Variants in NTM observed in about 807,000 individuals in gnomAD.
NTM encodes neurotrimin.
In NTM, 13 loss-of-function variants were observed where a neutral mutation model predicts 42.1. The ratio of observed to expected loss-of-function variants is 0.31; its 90% CI spans 0.20 to 0.49. NTM has a LOEUF of 0.49. Ranked by LOEUF, NTM falls within the 20% of genes least tolerant of loss-of-function variation. The pLI is 0.99. For synonymous variants in NTM, 187 were observed against 179.2 expected, an observed-to-expected ratio of 1.04 and a Z score of -0.35; for missense variants, 373 against 452.8, an observed-to-expected ratio of 0.82 and a Z score of 1.60.
chr11:132,274,344 A>G (rs1268039014), intron 4 of NTM, among the ~76,000 whole-genome samples: 1 of 151,812 alleles, frequency 6.6e-6, no homozygotes, highest in East Asian at 1.9e-4. Context: ...AATATTATAG[A>G]CATTTATGGA....
At chr11:131,471,085 A>G (rs1250430338) in intron 1 of NTM, among the ~76,000 whole-genome samples, 1 of 152,190 alleles carries the variant, frequency 6.6e-6, no homozygotes, top group East Asian at 1.9e-4. Context: ...TTCCTGAACA[A>G]TCAAATGCGA....
intron 1 of NTM, among the ~76,000 whole-genome samples, chr11:131,864,962 C>T (rs1036222648): frequency 2.1e-4 from 32 of 152,198 alleles, no homozygotes; most frequent in African/African-American, 7.5e-4. Flanking sequence ...AAGAGGAAAG[C>T]TTGGCAACCT....
At chr11:131,995,682 G>T (rs1393074977) in intron 2 of NTM, among the ~76,000 whole-genome samples, 1 of 152,060 alleles carries the variant, frequency 6.6e-6, no homozygotes, top group Admixed American at 6.6e-5. Flanking sequence ...GTTTGGTCTA[G>T]GTCCTGTTGC....
intron 1 of NTM, among the ~76,000 whole-genome samples, chr11:131,471,478 C>T (rs1349092): frequency 0.48 from 73,367 of 152,000 alleles, 18,000 homozygotes; most frequent in Admixed American, 0.58. Flanking sequence ...GTTACATGTG[C>T]TACTGAGGGA....
intron 2 of NTM, among the ~76,000 whole-genome samples, chr11:132,121,537 A>G (rs549540533): frequency 6.6e-6 from 1 of 152,206 alleles, no homozygotes; most frequent in Non-Finnish European, 1.5e-5. Context: ...AAGCTGGTTC[A>G]TTATAGGATC....
intron 2 of NTM, among the ~76,000 whole-genome samples, chr11:132,014,104 G>A (rs966349465): frequency 3.3e-5 from 5 of 151,712 alleles, no homozygotes; most frequent in African/African-American, 9.7e-5. Context: ...CTCTACCTCC[G>A]TGAGATTTTT....
At chr11:131,713,960 G>T (rs761203275) in intron 1 of NTM, among the ~76,000 whole-genome samples, 1 of 152,170 alleles carries the variant, frequency 6.6e-6, no homozygotes, top group Non-Finnish European at 1.5e-5. Flanking sequence ...CATTCCGCAC[G>T]GGCAGTGGCC....
chr11:131,686,257 C>A (rs568157522), intron 1 of NTM, among the ~76,000 whole-genome samples: 4 of 152,340 alleles, frequency 2.6e-5, no homozygotes, highest in South Asian at 2.1e-4. Context: ...TCATGTATAA[C>A]TTTTGACTTC....
chr11:131,442,780 T>TTA (rs1201478567), intron 1 of NTM, among the ~76,000 whole-genome samples: 2 of 151,950 alleles, frequency 1.3e-5, no homozygotes, highest in East Asian at 1.9e-4. Flanking sequence ...TAGTATTCCG[T>TTA]TATATATATA....
chr11:131,549,669 G>A (rs1363013104), intron 1 of NTM, among the ~76,000 whole-genome samples: 3 of 152,206 alleles, frequency 2.0e-5, no homozygotes, highest in African/African-American at 7.2e-5. Context: ...TTTGCCCCAT[G>A]TGTTCAGGTG....
Position 131,856,894 on chromosome 11 carries a change from C to T in NTM, c.83-54670C>T, listed in dbSNP as rs75217618. Among the ~76,000 whole-genome samples the T allele has an allele frequency of 9.2e-3, 1,399 of 152,290 alleles. 24 individuals are homozygous for T. Among genetic ancestry groups the T allele is most frequent in the African/African-American group, 0.032 (1,340 of 41,552 alleles). On this transcript the variant is annotated intron_variant, in intron 1 of 8. Transcript: ENST00000683400. ...CTTTATCATAGCTTGCTAAGGATCA[C>T]ACATCTAAGCAATGATAAAACTGGG... is the stretch of plus-strand genomic sequence containing the variant.
At chr11:132,023,799 G>T (rs74898796) in intron 2 of NTM, among the ~76,000 whole-genome samples, 10,530 of 116,208 alleles carry the variant, frequency 0.091, 512 homozygotes, top group Admixed American at 0.15. Flanking sequence ...TTTGTTGTTG[G>T]TGGTGGTGGT....
chr11:131,401,853 TA>T (rs1945273836), intron 1 of NTM, among the ~76,000 whole-genome samples: 6 of 110,170 alleles, frequency 5.4e-5, no homozygotes, highest in Admixed American at 3.0e-4. Flanking sequence ...TATATATATA[TA>T]TATATATTTT....
chr11:132,006,311 A>C (rs2070770094), intron 2 of NTM, among the ~76,000 whole-genome samples: 1 of 152,138 alleles, frequency 6.6e-6, no homozygotes, highest in South Asian at 2.1e-4. Context: ...AAACAGTTTT[A>C]TTTGTTTGTG....
chr11:131,428,930 C>G (rs1039177944), intron 1 of NTM, among the ~76,000 whole-genome samples: 1 of 150,340 alleles, frequency 6.7e-6, no homozygotes, highest in Admixed American at 6.6e-5. Flanking sequence ...TGGTGGTTAC[C>G]TGTAATCCCA....
intron 2 of NTM, among the ~76,000 whole-genome samples, chr11:131,991,256 C>G (rs1259983860): frequency 1.3e-5 from 2 of 151,988 alleles, no homozygotes; most frequent in African/African-American, 4.8e-5. Context: ...TTTCTTGTCC[C>G]TGCCATAACC....
At chr11:131,948,889 C>A (rs56344002) in intron 2 of NTM, among the ~76,000 whole-genome samples, 29,081 of 152,190 alleles carry the variant, frequency 0.19, 3,176 homozygotes, top group Middle Eastern at 0.31. Context: ...GTCTACAATA[C>A]AGTACCGTTA....
chr11:131,603,425 G>A (rs2060655428), intron 1 of NTM, among the ~76,000 whole-genome samples: 1 of 152,060 alleles, frequency 6.6e-6, no homozygotes, highest in African/African-American at 2.4e-5. Flanking sequence ...TGCTAACACT[G>A]TTGGTCCATG....
At chr11:131,523,782 C>CAA (rs3040114) in intron 1 of NTM, among the ~76,000 whole-genome samples, 3,127 of 71,072 alleles carry the variant, frequency 0.044, 146 homozygotes, top group African/African-American at 0.067. Context: ...GACTCCATCT[C>CAA]AAAAAAAAAA....
Sources: gnomAD v4.1 joint callset for allele counts (sites outside exome capture counted in the v4.1 genomes callset) on GRCh38, gnomAD v4.1.1 for gene constraint, MANE v1.5 for transcripts, NCBI Gene and HGNC (gene_info 2026-07-23, HGNC 2026-07-21) for gene names.